Variants in PARD3 observed in about 807,000 individuals in gnomAD.
PARD3 encodes partitioning defective 3 homolog.
PARD3 carries 75 observed loss-of-function variants against 155.4 expected under a neutral mutation model. The observed-to-expected ratio is 0.48, with a 90% CI of 0.40 to 0.58. The LOEUF is 0.58. Ranked by LOEUF, PARD3 falls within the 20% of genes least tolerant of loss-of-function variation. The pLI is 0.00. For missense variants in PARD3, 1,642 were observed against 1,721.7 expected, an observed-to-expected ratio of 0.95 and a Z score of 0.82; for synonymous variants, 576 against 610.5, an observed-to-expected ratio of 0.94 and a Z score of 0.83.
intron 22 of PARD3, among the ~76,000 whole-genome samples, chr10:34,251,646 C>T (rs1954313758): frequency 6.6e-6 from 1 of 152,128 alleles, no homozygotes; most frequent in Admixed American, 6.5e-5. Flanking sequence ...CTCTTTTGCT[C>T]TTCCCCCTCT....
rs1434275767 is a variant in PARD3 at position 34,702,637 on chromosome 10, T to C, written c.121-6218A>G. 2.6e-5 allele frequency among the ~76,000 whole-genome samples: 4 copies of C among 152,182 alleles called. No homozygotes were observed. In the East Asian group the frequency reaches 7.7e-4, roughly 29 times the overall value. ...ATTACAGAAAAATCCAGCCCTCTGC[T>C]TCCACTTGCTCTCAGAATGCCAGCC... is the stretch of plus-strand genomic sequence containing the variant. On this transcript the variant is annotated intron_variant, in intron 1 of 24. Transcript: ENST00000374788.
intron 1 of PARD3, among the ~76,000 whole-genome samples, chr10:34,771,389 A>G (rs927825527): frequency 6.6e-6 from 1 of 152,168 alleles, no homozygotes; most frequent in East Asian, 1.9e-4. Context: ...GTGAGATTAA[A>G]GGGGTCCCAC....
chr10:34,344,970 C>T (rs2134342846), intron 15 of PARD3: 1 of 985,368 alleles, frequency 1.0e-6, no homozygotes, highest in African/African-American at 1.7e-5. Context: ...TTGAAGGCTG[C>T]TTTCAAAGAT....
intron 10 of PARD3, among the ~76,000 whole-genome samples, chr10:34,376,535 C>A (rs1329574854): frequency 6.6e-6 from 1 of 152,096 alleles, no homozygotes; most frequent in African/African-American, 2.4e-5. Flanking sequence ...ATTTATAACC[C>A]CAGGACAAGT....
chr10:34,758,254 C>A (rs1376105349), intron 1 of PARD3, among the ~76,000 whole-genome samples: 1 of 152,158 alleles, frequency 6.6e-6, no homozygotes, highest in East Asian at 1.9e-4. Context: ...GAGTATCCAA[C>A]AATTTCCACA....
intron 1 of PARD3, among the ~76,000 whole-genome samples, chr10:34,750,491 AC>A (rs1426600134): frequency 6.3e-4 from 96 of 151,350 alleles, no homozygotes; most frequent in African/African-American, 2.3e-3. Flanking sequence ...ACACACACAC[AC>A]ACACACACAC....
Position 34,614,599 on chromosome 10 carries a change from T to G in PARD3, c.222+81719A>C, listed in dbSNP as rs2091128146. On this transcript the variant is annotated intron_variant, in intron 2 of 24. Transcript: ENST00000374788. ...TGTTTTAAATATAAATGTCTACATATATTTAAAAGATTTTAAAGATGTCTA... is the reference window on the plus strand; with the variant it reads ...TGTTTTAAATATAAATGTCTACATAGATTTAAAAGATTTTAAAGATGTCTA... 2.6e-5 allele frequency among the ~76,000 whole-genome samples: 4 copies of G among 152,232 alleles called. No homozygotes were observed. The South Asian group carries it at 6.2e-4, about 24-fold the overall frequency.
Position 34,443,689 on chromosome 10 carries a change from C to G in PARD3, c.714+6628G>C, listed in dbSNP as rs781432182. ...CTCCCACCAGGACCCTCCCACAATA[C>G]GTGGAAATTGTGGGAGTTACAATTC... On this transcript the variant is annotated intron_variant, in intron 5 of 24. Transcript: ENST00000374788. 2.0e-5 allele frequency among the ~76,000 whole-genome samples: 3 copies of G among 152,094 alleles called. No individual in the cohort carries two copies. In the East Asian group the frequency reaches 5.8e-4, roughly 29 times the overall value.
At position 34,336,281 on chromosome 10, in the gene PARD3, G is replaced by A. The variant is rs372969357; in HGVS notation, c.2561-38C>T. On this transcript the variant is annotated intron_variant, in intron 17 of 24. Coordinates refer to ENST00000374788, the MANE Select transcript of PARD3 (RefSeq NM_001184785.2). The stretch of plus-strand genomic sequence containing the variant: ...AAATGTATAATAGTTAGCCCAGTTA[G>A]TTCCCATAGCCCACCATGCTTCCAC... 20 of 1,520,166 alleles carry A rather than the reference G, an allele frequency of 1.3e-5. No individual in the cohort carries two copies. The East Asian group carries it at 4.3e-4, about 33-fold the overall frequency. 94.2% of individuals were successfully genotyped at this position (1,520,166 alleles called of 1,614,324 possible). A position where few individuals can be genotyped will look rare whatever the true frequency, so the allele number is the denominator to read the frequency against.
chr10:34,212,577 T>C (rs1951805151), intron 22 of PARD3, among the ~76,000 whole-genome samples: 1 of 151,108 alleles, frequency 6.6e-6, no homozygotes, highest in South Asian at 2.1e-4. Context: ...ATGTTAAAAA[T>C]ACAAGGCAGA....
intron 21 of PARD3, among the ~76,000 whole-genome samples, chr10:34,279,408 A>T (rs542210139): frequency 1.3e-4 from 20 of 150,954 alleles, no homozygotes; most frequent in Admixed American, 3.3e-4. Context: ...AAATTTTTTT[A>T]AAAAAACTTG....
chr10:34,277,864 G>C (rs945150736), intron 21 of PARD3, among the ~76,000 whole-genome samples: 30 of 152,090 alleles, frequency 2.0e-4, no homozygotes, highest in African/African-American at 7.0e-4. Context: ...TTGTGCTTAG[G>C]GGGAGAGAGA....
intron 2 of PARD3, among the ~76,000 whole-genome samples, chr10:34,628,208 A>G (rs2092079950): frequency 6.6e-6 from 1 of 152,194 alleles, no homozygotes; most frequent in Non-Finnish European, 1.5e-5. Context: ...CAAGATTTTC[A>G]TTTAGTAATA....
At chr10:34,729,647 TTTAA>T (rs1426392433) in intron 1 of PARD3, among the ~76,000 whole-genome samples, 3 of 152,142 alleles carry the variant, frequency 2.0e-5, no homozygotes, top group East Asian at 1.9e-4. Context: ...TAGAACTTGA[TTTAA>T]TATAGAAGGG....
chr10:34,396,527 A>G (rs1227198623), intron 7 of PARD3, among the ~76,000 whole-genome samples: 1 of 152,186 alleles, frequency 6.6e-6, no homozygotes, highest in Non-Finnish European at 1.5e-5. Flanking sequence ...TCTCTTCAAA[A>G]TATACAATTG....
rs766852806 is a variant in PARD3 at position 34,478,386 on chromosome 10, C to T, written c.404-8123G>A. ...CATTGCTATCCAGACAAAAATAAAACGTATCAAAAGTACAAGATGCCTATA... is the reference window on the plus strand; with the variant it reads ...CATTGCTATCCAGACAAAAATAAAATGTATCAAAAGTACAAGATGCCTATA... On this transcript the variant is annotated intron_variant, in intron 3 of 24. Coordinates refer to ENST00000374788, the MANE Select transcript of PARD3 (RefSeq NM_001184785.2). Among the ~76,000 whole-genome samples, 11 of 152,062 alleles carry T rather than the reference C, an allele frequency of 7.2e-5. No individual in the cohort carries two copies. In the South Asian group the frequency reaches 1.0e-3, roughly 14 times the overall value.
At position 34,183,253 on chromosome 10, in the gene PARD3, G is replaced by C. The variant is rs150928092; in HGVS notation, c.3420-51670C>G. On this transcript the variant is annotated intron_variant, in intron 22 of 24. Transcript: ENST00000374788. ...GCTGCTGCATATCTTTTTGAGACAG[G>C]GTCTTGCTCTGTCGCCCAGACTGGA... Among the ~76,000 whole-genome samples, 250 of 152,244 alleles carry C rather than the reference G, an allele frequency of 1.6e-3. 8 individuals are homozygous for C. In the East Asian group the frequency reaches 0.043, roughly 26 times the overall value.
chr10:34,317,408 A>G lies in PARD3; in HGVS notation c.2834-70T>C, dbSNP rs912053477. 6 of 1,492,684 alleles carry G rather than the reference A, an allele frequency of 4.0e-6. No individual in the cohort carries two copies. The African/African-American group carries it at 8.4e-5, about 21-fold the overall frequency. The allele number at this position is 1,492,684 out of a possible 1,614,324, so 92.5% of individuals were successfully genotyped here. On this transcript the variant is annotated intron_variant, in intron 19 of 24. Coordinates refer to ENST00000374788, the MANE Select transcript of PARD3 (RefSeq NM_001184785.2). ...AACAAAAATAATAAAGCTAAAATAC[A>G]TTCAAGGACTTTACTTTCCCACACT...
At chr10:34,492,977 A>G (rs1006985453) in intron 3 of PARD3, among the ~76,000 whole-genome samples, 6 of 152,246 alleles carry the variant, frequency 3.9e-5, no homozygotes, top group Admixed American at 2.0e-4. Flanking sequence ...TCCAAGAACG[A>G]AAGTGTTTAC....
Sources: gnomAD v4.1 joint callset for allele counts (sites outside exome capture counted in the v4.1 genomes callset) on GRCh38, gnomAD v4.1.1 for gene constraint, MANE v1.5 for transcripts, NCBI Gene and HGNC (gene_info 2026-07-23, HGNC 2026-07-21) for gene names.